EFNA2: variants seen among roughly 807,000 people sequenced by gnomAD.
EFNA2 encodes ephrin-A2.
A neutral mutation model predicts 19.7 loss-of-function variants in EFNA2; 18 were observed. That is an observed-to-expected ratio of 0.91 (90% confidence interval 0.63 to 1.35). The LOEUF (loss-of-function observed/expected upper bound fraction) is 1.35. EFNA2 is among the 40% of genes most tolerant of loss of function. The pLI is 0.00. For missense variants in EFNA2, 303 were observed against 296.0 expected (o/e 1.02, Z -0.17); for synonymous variants, 187 against 137.8 (o/e 1.36, Z -2.50).
chr19:1,285,636 G>A (rs572299794), upstream of EFNA2, among the ~76,000 whole-genome samples: 1 of 151,864 alleles, frequency 6.6e-6, no homozygotes, highest in Admixed American at 6.5e-5. The surrounding 1 kb of genome is among the most constrained non-coding windows in gnomAD (Gnocchi z 4.1). Flanking sequence ...GTGGGGGCGC[G>A]GGAGGCAGGG....
chr19:1,298,635 G>T lies in EFNA2; in HGVS notation c.520+19G>T. 1.2e-6 allele frequency: 2 copies of T among 1,613,178 alleles called. No homozygotes were observed. The highest frequency in any genetic ancestry group is 1.7e-5 in the Admixed American group (1 of 59,960). Reference sequence around the variant, plus strand: ...CCGACCAGTAAGTGCTCAGGGGGATGGGCAGGATCCAGGCCCCCACCCCTG... The same window carrying T: ...CCGACCAGTAAGTGCTCAGGGGGATTGGCAGGATCCAGGCCCCCACCCCTG... On this transcript the variant is annotated intron_variant, in intron 3 of 3. Coordinates refer to ENST00000215368, the MANE Select transcript of EFNA2 (RefSeq NM_001405.4).
rs1426661918 is a variant in EFNA2 at position 1,294,790 on chromosome 19, G to A, written c.141-755G>A. 1.3e-5 allele frequency among the ~76,000 whole-genome samples: 2 copies of A among 151,794 alleles called. No individual in the cohort carries two copies. Among genetic ancestry groups the A allele is most frequent in the African/African-American group, 4.8e-5 (2 of 41,284 alleles). On this transcript the variant is annotated intron_variant, in intron 1 of 3. Transcript: ENST00000215368. The surrounding 1 kb of genome is among the most constrained non-coding windows in gnomAD (Gnocchi z 5.8). The stretch of plus-strand genomic sequence containing the variant: ...GTGGGGGCAGAGCTTGCCCCAGAGC[G>A]AGCTGGAATGCCCGACCTGTGTCCC...
rs764493228 is a variant in EFNA2, at chr19:1,296,796, G to T, written c.454+938G>T. Among the ~76,000 whole-genome samples the T allele has an allele frequency of 6.6e-6, 1 of 152,236 alleles. No individual in the cohort carries two copies. The highest frequency in any genetic ancestry group is 2.4e-5 in the African/African-American group (1 of 41,472). ...TCGGAGACTCCCTGAGGACCGTGGG[G>T]TCTTCATCTGAAGGTTGGGTGGCGG... On this transcript the variant is annotated intron_variant, in intron 2 of 3. Transcript: ENST00000215368. This position sits in a 1 kb window ranked among gnomAD's most constrained non-coding sequence, Gnocchi z 4.4.
rs34167171 is a variant in EFNA2, at chr19:1,301,114, CAAAAA to C, written c.*1178_*1182del. Reference sequence around the variant, plus strand: ...AGGACAAAAGGGAGGGAACCACTACCAAAAAAAAAAAAAGAAACTCCTCCCCGAAG... The same window carrying C: ...AGGACAAAAGGGAGGGAACCACTACCAAAAAAAAGAAACTCCTCCCCGAAG... On this transcript the variant is annotated 3_prime_UTR_variant, in exon 4 of 4. Transcript: ENST00000215368. Among the ~76,000 whole-genome samples, 5 of 142,994 alleles carry C rather than the reference CAAAAA, an allele frequency of 3.5e-5. No individual in the cohort carries two copies. In the South Asian group the frequency reaches 6.6e-4, roughly 19 times the overall value. The allele number at this position is 142,994 out of a possible 152,430, so 93.8% of individuals were successfully genotyped here. A position where few individuals can be genotyped will look rare whatever the true frequency, so the allele number is the denominator to read the frequency against.
At chr19:1,298,899 C>G (rs895284354) in intron 3 of EFNA2, among the ~76,000 whole-genome samples, 1 of 152,118 alleles carries the variant, frequency 6.6e-6, no homozygotes, top group African/African-American at 2.4e-5. Context: ...GAGCAGAGAT[C>G]ACGCCACTGC....
chr19:1,293,106 A>C (rs1276284091), intron 1 of EFNA2, among the ~76,000 whole-genome samples: 1 of 152,028 alleles, frequency 6.6e-6, no homozygotes, highest in Non-Finnish European at 1.5e-5. Context: ...ACAGGAGGGG[A>C]AACTGAGGCC....
intron 1 of EFNA2, among the ~76,000 whole-genome samples, chr19:1,288,700 C>T (rs1397839852): frequency 5.3e-5 from 8 of 152,130 alleles, no homozygotes; most frequent in African/African-American, 1.9e-4. Flanking sequence ...CCACATCACA[C>T]CCTCTCTGCT....
In EFNA2 at chr19:1,300,140, C is replaced by T. The variant is rs997737604; in HGVS notation, c.*195C>T. On this transcript the variant is annotated 3_prime_UTR_variant, in exon 4 of 4. Coordinates refer to ENST00000215368, the MANE Select transcript of EFNA2 (RefSeq NM_001405.4). ...CCAGCCCTCAGGGAGGGGAAACGGC[C>T]GAGAGCCCCCCCCCGGAGGCCCGAG... 4 of 717,674 alleles carry T rather than the reference C, an allele frequency of 5.6e-6. No homozygotes were observed. The highest frequency in any genetic ancestry group is 3.8e-5 in the Admixed American group (1 of 26,542). The allele number at this position is 717,674 out of a possible 1,614,324, so 44.5% of individuals were successfully genotyped here.
In EFNA2 at chr19:1,300,145, GC is replaced by G. The variant is rs57458168; in HGVS notation, c.*209del. On this transcript the variant is annotated 3_prime_UTR_variant, in exon 4 of 4. Transcript: ENST00000215368. Reference sequence around the variant, plus strand: ...CCTCAGGGAGGGGAAACGGCCGAGAGCCCCCCCCCGGAGGCCCGAGGGGCCG... The same window carrying G: ...CCTCAGGGAGGGGAAACGGCCGAGAGCCCCCCCCGGAGGCCCGAGGGGCCG... 2,680 of 633,270 alleles carry G rather than the reference GC, an allele frequency of 4.2e-3. 35 individuals carry two copies. Among genetic ancestry groups the G allele is most frequent in the African/African-American group, 0.035 (1,723 of 49,622 alleles). 39.2% of individuals were successfully genotyped at this position (633,270 alleles called of 1,614,324 possible).
Position 1,297,121 on chromosome 19 carries a change from G to A in EFNA2, c.454+1263G>A, listed in dbSNP as rs912730390. On this transcript the variant is annotated intron_variant, in intron 2 of 3. Transcript: ENST00000215368. The surrounding 1 kb of genome is among the most constrained non-coding windows in gnomAD (Gnocchi z 5.0). ...GTGGCGCTGAGACTGAGGGATTCTC[G>A]TGGAGTGGGGACCCCGGCTTCTCAG... Among the ~76,000 whole-genome samples, 1 of 152,182 alleles carries A rather than the reference G, an allele frequency of 6.6e-6. No homozygotes were observed.
At chr19:1,299,716 TG>T in intron 3 of EFNA2, 107 bp from the exon 4 acceptor site, 1 of 1,414,368 alleles carries the variant, frequency 7.1e-7, no homozygotes, top group Non-Finnish European at 9.3e-7. Context: ...GCCTGCCTGG[TG>T]GGGTGATGAG....
Position 1,300,928 on chromosome 19 carries a change from G to C in EFNA2, c.*983G>C, listed in dbSNP as rs889260170. 6.6e-6 allele frequency among the ~76,000 whole-genome samples: 1 copy of C among 151,662 alleles called. No homozygotes were observed. Among genetic ancestry groups the C allele is most frequent in the East Asian group, 1.9e-4 (1 of 5,176 alleles). On this transcript the variant is annotated 3_prime_UTR_variant, in exon 4 of 4. Coordinates refer to ENST00000215368, the MANE Select transcript of EFNA2 (RefSeq NM_001405.4). ...CGTATTCCTGAGGACGGACTGGACC[G>C]TCTATGTTTTTTCAGCCCTTCATAG...
chr19:1,299,974 C>G lies in EFNA2; in HGVS notation c.*29C>G. ...CAGCCCCGCAGGACGCCGACCCTGC[C>G]TGGACGGCCCCGCCTGGACCGCCTG... is the stretch of plus-strand genomic sequence containing the variant. On this transcript the variant is annotated 3_prime_UTR_variant, in exon 4 of 4. Coordinates refer to ENST00000215368, the MANE Select transcript of EFNA2 (RefSeq NM_001405.4). 1.9e-6 allele frequency: 3 copies of G among 1,570,950 alleles called. No homozygotes were observed. Among genetic ancestry groups the G allele is most frequent in the South Asian group, 1.1e-5 (1 of 87,974 alleles).
Position 1,286,384 on chromosome 19 carries a change from G to T in EFNA2, c.140+76G>T. 1 of 762,250 alleles carries T rather than the reference G, an allele frequency of 1.3e-6. No individual in the cohort carries two copies. The highest frequency in any genetic ancestry group is 6.0e-5 in the South Asian group (1 of 16,798). The allele number at this position is 762,250 out of a possible 1,614,324, so 47.2% of individuals were successfully genotyped here. ...AAGCCGCGCCCGGCCTCGCGCCCCC[G>T]GAGCTCCGGGCGCCCCCCACGCGCG... On this transcript the variant is annotated intron_variant, in intron 1 of 3. Transcript: ENST00000215368. The surrounding 1 kb of genome is among the most constrained non-coding windows in gnomAD (Gnocchi z 5.6).
chr19:1,298,490 C>A (rs2081525835), intron 2 of EFNA2, 61 bp from the exon 3 acceptor site: 1 of 1,570,418 alleles, frequency 6.4e-7, no homozygotes, highest in African/African-American at 1.4e-5. Flanking sequence ...GGAGTACAGC[C>A]CCAGGAGGTC....
intron 3 of EFNA2, 110 bp from the exon 4 acceptor site, chr19:1,299,714 G>T: frequency 7.1e-7 from 1 of 1,413,036 alleles, no homozygotes; most frequent in Non-Finnish European, 9.3e-7. Context: ...GGGCCTGCCT[G>T]GTGGGGTGAT....
In EFNA2 at chr19:1,296,748, T is replaced by A. The variant is rs900403190; in HGVS notation, c.454+890T>A. On this transcript the variant is annotated intron_variant, in intron 2 of 3. Coordinates refer to ENST00000215368, the MANE Select transcript of EFNA2 (RefSeq NM_001405.4). The surrounding 1 kb of genome is among the most constrained non-coding windows in gnomAD (Gnocchi z 4.4). ...TCCCTGCCCCGCACCCACCCCCGCA[T>A]CTCCCCGGGACCCATGCCAGGCTCG... 3.3e-5 allele frequency among the ~76,000 whole-genome samples: 5 copies of A among 151,930 alleles called. No individual in the cohort carries two copies. Among genetic ancestry groups the A allele is most frequent in the Admixed American group, 3.3e-4 (5 of 15,288 alleles).
rs923806517 is a variant in EFNA2 at position 1,300,079 on chromosome 19, C to T, written c.*134C>T. On this transcript the variant is annotated 3_prime_UTR_variant, in exon 4 of 4. Transcript: ENST00000215368. ...GCTGCTTCTCCCTCGCCTGGTGCCGCCCCCGCCGGGCAGGGGCCATCCACC... is the reference window on the plus strand; with the variant it reads ...GCTGCTTCTCCCTCGCCTGGTGCCGTCCCCGCCGGGCAGGGGCCATCCACC... The T allele has an allele frequency of 4.1e-5, 53 of 1,285,064 alleles. No homozygotes were observed. Among genetic ancestry groups the T allele is most frequent in the Non-Finnish European group, 5.3e-5 (52 of 972,402 alleles). The allele number at this position is 1,285,064 out of a possible 1,614,324, so 79.6% of individuals were successfully genotyped here. A position where few individuals can be genotyped will look rare whatever the true frequency, so the allele number is the denominator to read the frequency against.
At chr19:1,293,579 G>C (rs1264142618) in intron 1 of EFNA2, among the ~76,000 whole-genome samples, 1 of 152,184 alleles carries the variant, frequency 6.6e-6, no homozygotes, top group Non-Finnish European at 1.5e-5. Flanking sequence ...AGATTCCGAA[G>C]CCCCGGAAGG....
Sources: gnomAD v4.1 joint callset for allele counts (sites outside exome capture counted in the v4.1 genomes callset) on GRCh38, gnomAD v4.1.1 for gene constraint, Gnocchi (gnomAD v3.1) non-coding constraint, MANE v1.5 for transcripts, NCBI Gene and HGNC (gene_info 2026-07-23, HGNC 2026-07-21) for gene names.